The following HPSE2 variants were observed in gnomAD, a reference collection of about 807,000 sequenced individuals.
HPSE2 encodes heparanase 2 (inactive).
A neutral mutation model predicts 60.5 loss-of-function variants in HPSE2; 38 were observed. The observed-to-expected ratio is 0.63, with a 90% confidence interval of 0.48 to 0.82. The LOEUF (loss-of-function observed/expected upper bound fraction) is 0.82, where lower values mean the gene tolerates loss of function less well. HPSE2 is among the 40% of genes least tolerant of loss of function. The pLI is 0.00. For missense variants in HPSE2, 713 were observed against 740.4 expected (o/e 0.96, Z 0.43); for synonymous variants, 295 against 293.2 (o/e 1.01, Z -0.06).
chr10:99,126,446 C>A lies in HPSE2; in HGVS notation c.610+17792G>T, dbSNP rs1269220117. ...ATCGCCTGGGAAACCAGAATAGTTA[C>A]CCTGGCCAATGTATGGCAAGCGTAG... On this transcript the variant is annotated intron_variant, in intron 3 of 11. Transcript: ENST00000370552. The surrounding 1 kb of genome is among the most constrained non-coding windows in gnomAD (Gnocchi z 4.0). 6.6e-6 allele frequency among the ~76,000 whole-genome samples: 1 copy of A among 152,116 alleles called. No homozygotes were observed. The highest frequency in any genetic ancestry group is 1.5e-5 in the Non-Finnish European group (1 of 68,024).
chr10:98,730,117 A>C (rs1949191921), intron 4 of HPSE2, among the ~76,000 whole-genome samples: 1 of 152,184 alleles, frequency 6.6e-6, no homozygotes, highest in Non-Finnish European at 1.5e-5. Context: ...AAATCTCATA[A>C]ATTTAAAAGG....
intron 3 of HPSE2, among the ~76,000 whole-genome samples, chr10:98,967,882 AGG>A (rs1417707420): frequency 7.0e-6 from 1 of 143,860 alleles, no homozygotes; most frequent in African/African-American, 2.5e-5. Flanking sequence ...GCAAAAGGAG[AGG>A]GAATATCTGA....
At chr10:98,960,806 G>A (rs1362930119) in intron 3 of HPSE2, among the ~76,000 whole-genome samples, 2 of 132,018 alleles carry the variant, frequency 1.5e-5, no homozygotes, top group African/African-American at 5.6e-5. Context: ...AGTTACATAT[G>A]TATACATGTG....
At chr10:99,151,111 AAAC>A (rs1353103744) in intron 2 of HPSE2, among the ~76,000 whole-genome samples, 1 of 152,140 alleles carries the variant, frequency 6.6e-6, no homozygotes, top group Non-Finnish European at 1.5e-5. Context: ...AGAAAACATA[AAAC>A]AACAATTGTC....
intron 3 of HPSE2, among the ~76,000 whole-genome samples, chr10:98,956,463 G>A (rs1411067086): frequency 6.6e-6 from 1 of 152,158 alleles, no homozygotes; most frequent in Non-Finnish European, 1.5e-5. Context: ...TCATTTAAAA[G>A]AAGCATAGAG....
chr10:98,847,157 G>C (rs1952054046), intron 3 of HPSE2, among the ~76,000 whole-genome samples: 1 of 152,160 alleles, frequency 6.6e-6, no homozygotes, highest in Non-Finnish European at 1.5e-5. Flanking sequence ...ATTAGTAAGA[G>C]GTTTGCCAGA....
rs576963230 is a variant in HPSE2 at position 98,974,267 on chromosome 10, C to T, written c.610+169971G>A. ...TCGTACCATTGCACTCCAGCCTGGG[C>T]GACACAGAGTGACTCTGGAAAAAAA... On this transcript the variant is annotated intron_variant, in intron 3 of 11. Transcript: ENST00000370552. 4.0e-5 allele frequency among the ~76,000 whole-genome samples: 6 copies of T among 151,524 alleles called. No homozygotes were observed. The South Asian group carries it at 6.3e-4, about 16-fold the overall frequency.
At chr10:99,070,639 T>C (rs534137751) in intron 3 of HPSE2, among the ~76,000 whole-genome samples, 3 of 152,314 alleles carry the variant, frequency 2.0e-5, no homozygotes, top group African/African-American at 7.2e-5. Flanking sequence ...TTTATACCCA[T>C]TGGATAGCAG....
chr10:98,500,510 G>C (rs549104480), intron 9 of HPSE2, among the ~76,000 whole-genome samples: 1 of 152,162 alleles, frequency 6.6e-6, no homozygotes, highest in African/African-American at 2.4e-5. Flanking sequence ...AAACCCTCTG[G>C]GATACAGCAA....
chr10:99,244,382 T>G, the HPSE2 span, among the ~76,000 whole-genome samples: 5 of 134,158 alleles, frequency 3.7e-5, no homozygotes, highest in African/African-American at 1.3e-4. Flanking sequence ...TTTTATTTCT[T>G]TTATTATTAT....
At chr10:99,137,904 A>G (rs539364601) in intron 3 of HPSE2, among the ~76,000 whole-genome samples, 1 of 152,320 alleles carries the variant, frequency 6.6e-6, no homozygotes, top group South Asian at 2.1e-4. Flanking sequence ...ATCCAATTAA[A>G]CTCAAGAGCT....
At position 98,922,744 on chromosome 10, in the gene HPSE2, T is replaced by C. The variant is rs550232243; in HGVS notation, c.611-178688A>G. ...ACAGTAGGGGCCTTGCTGGCACCAT[T>C]CCAAACAAACACGGAAAAAGAAAAC... is the stretch of plus-strand genomic sequence containing the variant. On this transcript the variant is annotated intron_variant, in intron 3 of 11. Coordinates refer to ENST00000370552, the MANE Select transcript of HPSE2 (RefSeq NM_021828.5). Among the ~76,000 whole-genome samples the C allele has an allele frequency of 8.5e-4, 130 of 152,298 alleles. 1 individual carries two copies. Among genetic ancestry groups the C allele is most frequent in the African/African-American group, 3.0e-3 (123 of 41,556 alleles).
At chr10:98,630,258 C>T (rs901512995) in intron 7 of HPSE2, among the ~76,000 whole-genome samples, 15 of 147,748 alleles carry the variant, frequency 1.0e-4, no homozygotes, top group Admixed American at 3.4e-4. Flanking sequence ...AGTGCAGTGG[C>T]GCCATCTTGG....
intron 3 of HPSE2, among the ~76,000 whole-genome samples, chr10:98,832,042 G>T (rs1296807305): frequency 6.6e-6 from 1 of 152,152 alleles, no homozygotes; most frequent in Non-Finnish European, 1.5e-5. Flanking sequence ...AAAGTGGTTG[G>T]AAGGCAGCCA....
intron 2 of HPSE2, among the ~76,000 whole-genome samples, chr10:99,194,258 A>G (rs2796763): frequency 0.85 from 129,174 of 151,676 alleles, 55,312 homozygotes; most frequent in African/African-American, 0.93. Context: ...CAAAACCTAT[A>G]GGACACAGCA....
chr10:98,684,083 C>T (rs1947851650), intron 6 of HPSE2, among the ~76,000 whole-genome samples: 1 of 152,172 alleles, frequency 6.6e-6, no homozygotes, highest in Non-Finnish European at 1.5e-5. Context: ...GTTGACCTCT[C>T]ATTTATCTTT....
chr10:98,553,129 C>G (rs1040099533), intron 9 of HPSE2, among the ~76,000 whole-genome samples: 1 of 152,132 alleles, frequency 6.6e-6, no homozygotes, highest in Non-Finnish European at 1.5e-5. Context: ...ACACTTGTTT[C>G]CAGATTACTA....
At chr10:98,899,931 GCATCAC>G (rs1953617533) in intron 3 of HPSE2, among the ~76,000 whole-genome samples, 1 of 151,974 alleles carries the variant, frequency 6.6e-6, no homozygotes, top group Non-Finnish European at 1.5e-5. Flanking sequence ...TTACAGGTGT[GCATCAC>G]CACGCCCAGC....
intron 3 of HPSE2, among the ~76,000 whole-genome samples, chr10:98,774,258 A>G (rs2134430154): frequency 6.6e-6 from 1 of 152,262 alleles, no homozygotes; most frequent in South Asian, 2.1e-4. Flanking sequence ...TGCTCTGATC[A>G]TCTTTTACAG....
Sources: allele counts gnomAD v4.1 joint callset (sites outside exome capture counted in the v4.1 genomes callset), GRCh38; gene constraint gnomAD v4.1.1; non-coding constraint Gnocchi (gnomAD v3.1); transcripts MANE v1.5; gene names NCBI Gene and HGNC (gene_info 2026-07-23, HGNC 2026-07-21).